RARB: variants seen among roughly 807,000 people sequenced by gnomAD.
RARB encodes the protein retinoic acid receptor beta.
RARB carries 17 observed loss-of-function variants against 51.9 expected under a neutral mutation model. That is an observed-to-expected ratio of 0.33 (90% CI 0.22 to 0.49). The LOEUF is 0.49. RARB is among the 20% of genes least tolerant of loss of function. The pLI, the probability that RARB is intolerant of heterozygous loss-of-function variation, is 0.99. For synonymous variants in RARB, 215 were observed against 195.4 expected, an observed-to-expected ratio of 1.10 and a Z score of -0.84; for missense variants, 369 against 550.8, an observed-to-expected ratio of 0.67 and a Z score of 3.30.
chr3:24,977,259 C>G (rs1212462302), intron 2 of RARB, among the ~76,000 whole-genome samples: 32 of 152,152 alleles, frequency 2.1e-4, no homozygotes, highest in Non-Finnish European at 2.9e-5. Flanking sequence ...TTTTTGGTTT[C>G]ATATGAAATT....
At chr3:25,117,470 C>T (rs1326077432) in intron 3 of RARB, among the ~76,000 whole-genome samples, 1 of 152,062 alleles carries the variant, frequency 6.6e-6, no homozygotes, top group Non-Finnish European at 1.5e-5. Flanking sequence ...TCCAATTTAC[C>T]AGGGACATGT....
Position 25,007,764 on chromosome 3 carries a change from T to C in RARB, c.-379-52361T>C, listed in dbSNP as rs191473805. Among the ~76,000 whole-genome samples, 5 of 152,090 alleles carry C rather than the reference T, an allele frequency of 3.3e-5. No individual in the cohort carries two copies. In the East Asian group the frequency reaches 7.7e-4, roughly 24 times the overall value. On this transcript the variant is annotated intron_variant, in intron 2 of 11. Coordinates refer to the RARB transcript ENST00000383772. ...ATTTTCTTGATTTTGGGCTCAATGA[T>C]GTTTTAATCTTCATTTTCAATTGCA...
chr3:25,372,830 A>T (rs948647434), intron 5 of RARB, among the ~76,000 whole-genome samples: 3 of 152,216 alleles, frequency 2.0e-5, no homozygotes, highest in Non-Finnish European at 4.4e-5. Flanking sequence ...TATCTCCAAA[A>T]AGGAAAAAAA....
intron 3 of RARB, among the ~76,000 whole-genome samples, chr3:25,527,275 G>A (rs1182104752): frequency 6.6e-6 from 1 of 152,194 alleles, no homozygotes; most frequent in Non-Finnish European, 1.5e-5. Context: ...TTGCAGCTCT[G>A]CAGGCAACAG....
intron 3 of RARB, among the ~76,000 whole-genome samples, chr3:25,112,006 T>G (rs1699610667): frequency 1.3e-5 from 2 of 152,206 alleles, no homozygotes; most frequent in African/African-American, 4.8e-5. Context: ...GATTATAAAC[T>G]GCTAGGTGGC....
intron 5 of RARB, among the ~76,000 whole-genome samples, chr3:25,320,670 A>G (rs115024250): frequency 0.027 from 4,137 of 152,302 alleles, 114 homozygotes; most frequent in African/African-American, 0.076. Flanking sequence ...AAACTTCTAT[A>G]TATGTGAATT....
intron 5 of RARB, among the ~76,000 whole-genome samples, chr3:25,206,636 A>G (rs1701554424): frequency 6.6e-6 from 1 of 152,188 alleles, no homozygotes; most frequent in African/African-American, 2.4e-5. Flanking sequence ...CAAGTCAATT[A>G]CAGAGTTAAC....
intron 4 of RARB, among the ~76,000 whole-genome samples, chr3:25,156,490 A>G (rs2125343884): frequency 7.5e-6 from 1 of 133,920 alleles, no homozygotes; most frequent in African/African-American, 2.8e-5. Context: ...AACTGACTCT[A>G]ATCACACAAA....
chr3:25,096,397 G>A (rs1371679136), intron 3 of RARB, among the ~76,000 whole-genome samples: 3 of 152,100 alleles, frequency 2.0e-5, no homozygotes, highest in East Asian at 1.9e-4. Context: ...TGGAGAGAGG[G>A]GAAGTTGCAT....
Position 25,145,500 on chromosome 3 carries a change from C to CAAA in RARB, c.-280+13298_-280+13300dup, listed in dbSNP as rs61068783. Among the ~76,000 whole-genome samples, 696 of 151,600 alleles carry CAAA rather than the reference C, an allele frequency of 4.6e-3. 13 individuals carry two copies. Among genetic ancestry groups the CAAA allele is most frequent in the South Asian group, 0.042 (200 of 4,794 alleles). ...TACTCATATTGAAAATTGTAAATTT[C>CAAA]AAAAAAAAGAAAAAGAAATTGTACA... On this transcript the variant is annotated intron_variant, in intron 4 of 11. Transcript: ENST00000383772.
chr3:25,082,094 T>C (rs1029271645), intron 3 of RARB, among the ~76,000 whole-genome samples: 3 of 152,132 alleles, frequency 2.0e-5, no homozygotes, highest in Admixed American at 2.0e-4. Flanking sequence ...TTGATACTAG[T>C]TTCCATTATA....
rs184151484 is a variant in RARB, at chr3:25,397,902, C to G, written c.179-63291C>G. 7.2e-4 allele frequency among the ~76,000 whole-genome samples: 107 copies of G among 147,764 alleles called. No individual in the cohort carries two copies. In the East Asian group the frequency reaches 0.019, roughly 26 times the overall value. On this transcript the variant is annotated intron_variant, in intron 5 of 11. Transcript: ENST00000383772. The stretch of plus-strand genomic sequence containing the variant: ...GTTTTGATTAGAAAAAAAAAAAATT[C>G]TTACATACATTTCAAGGGCTGGTCT...
intron 2 of RARB, among the ~76,000 whole-genome samples, chr3:24,879,916 G>A (rs11920399): frequency 0.074 from 11,168 of 151,526 alleles, 680 homozygotes; most frequent in African/African-American, 0.16. Flanking sequence ...GTTTTGTCCT[G>A]CGTGAATCCC....
chr3:25,009,249 A>G (rs1697343025), intron 2 of RARB, among the ~76,000 whole-genome samples: 1 of 152,178 alleles, frequency 6.6e-6, no homozygotes, highest in African/African-American at 2.4e-5. Flanking sequence ...TGTGAAGGGT[A>G]GAATGGCTGA....
intron 2 of RARB, among the ~76,000 whole-genome samples, chr3:24,862,900 C>T (rs1173379758): frequency 1.3e-5 from 2 of 152,142 alleles, no homozygotes; most frequent in Admixed American, 6.6e-5. Flanking sequence ...GTTACATAGA[C>T]TCACAGAGGC....
chr3:25,355,881 AT>A (rs1009680197), intron 5 of RARB, among the ~76,000 whole-genome samples: 1 of 152,090 alleles, frequency 6.6e-6, no homozygotes, highest in African/African-American at 2.4e-5. Context: ...TAAGTCTCTT[AT>A]TTTTTTATGG....
chr3:25,532,287 A>G (rs934618010), intron 3 of RARB, among the ~76,000 whole-genome samples: 2 of 152,188 alleles, frequency 1.3e-5, no homozygotes, highest in African/African-American at 4.8e-5. Context: ...TATGTTTTCA[A>G]TATACATTTA....
intron 5 of RARB, among the ~76,000 whole-genome samples, chr3:25,303,728 C>T (rs1166969916): frequency 6.6e-6 from 1 of 152,188 alleles, no homozygotes; most frequent in East Asian, 1.9e-4. Context: ...ACAATAAAAA[C>T]TTACCACAAT....
chr3:25,088,627 AG>A (rs1484973595), intron 3 of RARB, among the ~76,000 whole-genome samples: 2 of 152,206 alleles, frequency 1.3e-5, no homozygotes, highest in Non-Finnish European at 2.9e-5. Flanking sequence ...AGAAAACAAA[AG>A]TCAGACCACC....
Sources: gnomAD v4.1 joint callset for allele counts (sites outside exome capture counted in the v4.1 genomes callset) on GRCh38, gnomAD v4.1.1 for gene constraint, MANE v1.5 for transcripts, NCBI Gene and HGNC (gene_info 2026-07-23, HGNC 2026-07-21) for gene names.